The following KYAT3 variants were observed in gnomAD, a reference collection of about 807,000 sequenced individuals.
KYAT3 encodes the protein kynurenine--oxoglutarate transaminase 3.
Under a neutral mutation model 59.0 loss-of-function variants are expected in KYAT3, and 50 were observed. The ratio of observed to expected loss-of-function variants is 0.85; its 90% CI spans 0.68 to 1.07. The LOEUF (loss-of-function observed/expected upper bound fraction) is 1.07. Among genes scored for constraint, KYAT3 ranks in the 50% least tolerant of loss-of-function variants. The pLI is 0.00. For synonymous variants in KYAT3, 148 were observed against 177.0 expected (o/e 0.84, Z 1.30); for missense variants, 497 against 533.3 (o/e 0.93, Z 0.67).
At chr1:88,971,611 A>G (rs1421405514) in intron 2 of KYAT3, among the ~76,000 whole-genome samples, 1 of 152,172 alleles carries the variant, frequency 6.6e-6, no homozygotes, top group African/African-American at 2.4e-5. Flanking sequence ...TGTGATAGCT[A>G]AGATTTATCT....
At chr1:88,988,771 GTAAAT>G (rs1217789925) in intron 1 of KYAT3, among the ~76,000 whole-genome samples, 1 of 152,192 alleles carries the variant, frequency 6.6e-6, no homozygotes, top group Non-Finnish European at 1.5e-5. Context: ...GTTTGTAACA[GTAAAT>G]TAAAGTTGTT....
At chr1:88,981,242 T>G (rs1677071378) in intron 2 of KYAT3, 1 of 152,230 alleles carries the variant, frequency 6.6e-6, no homozygotes, top group African/African-American at 2.4e-5. Context: ...AAACTGTTTG[T>G]GGATAAGCCA....
Position 88,943,442 on chromosome 1 carries a change from T to C in KYAT3, c.1142-19A>G. On this transcript the variant is annotated intron_variant, in intron 11 of 13. Transcript: ENST00000260508. ...TCTGGATCTAAAACCACAATGAAAA[T>C]TAGGTGGCCTATGAATTTCATCTGA... is the stretch of plus-strand genomic sequence containing the variant. 1 of 1,341,398 alleles carries C rather than the reference T, an allele frequency of 7.5e-7. No homozygotes were observed. Among genetic ancestry groups the C allele is most frequent in the Non-Finnish European group, 1.0e-6 (1 of 957,538 alleles). 83.1% of individuals were successfully genotyped at this position (1,341,398 alleles called of 1,614,324 possible). A position where few individuals can be genotyped will look rare whatever the true frequency, so the allele number is the denominator to read the frequency against.
chr1:88,939,982 C>CT (rs1362522075), intron 13 of KYAT3, among the ~76,000 whole-genome samples: 3 of 152,096 alleles, frequency 2.0e-5, no homozygotes, highest in African/African-American at 4.8e-5. Context: ...CGAATATTCT[C>CT]TAACACTTGT....
chr1:88,965,185 G>A (rs1676300610), intron 4 of KYAT3, among the ~76,000 whole-genome samples: 1 of 152,102 alleles, frequency 6.6e-6, no homozygotes, highest in Non-Finnish European at 1.5e-5. Context: ...ATGAAGGCTT[G>A]CTAATGATTA....
At chr1:88,948,854 A>T (rs531239908) in intron 11 of KYAT3, among the ~76,000 whole-genome samples, 2 of 152,220 alleles carry the variant, frequency 1.3e-5, no homozygotes, top group Non-Finnish European at 2.9e-5. Context: ...AGCAAATCCT[A>T]TGTTTAATAG....
chr1:88,924,019 T>C, the KYAT3 span, among the ~76,000 whole-genome samples: 1 of 152,314 alleles, frequency 6.6e-6, no homozygotes, highest in South Asian at 2.1e-4. Context: ...GCAGGGAGTA[T>C]TGGAGGTATA....
chr1:88,961,580 T>A, intron 6 of KYAT3, 74 bp from the exon 7 acceptor site: 1 of 1,309,700 alleles, frequency 7.6e-7, no homozygotes, highest in African/African-American at 1.5e-5. Flanking sequence ...AATAACCTAA[T>A]AAGGAAAAAA....
At chr1:88,947,125 T>A (rs930893151) in intron 11 of KYAT3, among the ~76,000 whole-genome samples, 2 of 152,094 alleles carry the variant, frequency 1.3e-5, no homozygotes, top group African/African-American at 2.4e-5. Flanking sequence ...AGATACAACC[T>A]ACTTGACTCG....
At chr1:88,950,364 G>A (rs991020621) in intron 10 of KYAT3, among the ~76,000 whole-genome samples, 1 of 152,164 alleles carries the variant, frequency 6.6e-6, no homozygotes, top group Non-Finnish European at 1.5e-5. Flanking sequence ...GGAAAATAAG[G>A]ATCGATTGCC....
intron 8 of KYAT3, among the ~76,000 whole-genome samples, chr1:88,956,672 A>G (rs1331495743): frequency 1.3e-5 from 2 of 152,230 alleles, no homozygotes; most frequent in Non-Finnish European, 2.9e-5. Flanking sequence ...AAGCTGAGAC[A>G]TAGAAGACCA....
chr1:88,967,968 A>T (rs1349655305), intron 4 of KYAT3, among the ~76,000 whole-genome samples: 1 of 152,086 alleles, frequency 6.6e-6, no homozygotes, highest in Non-Finnish European at 1.5e-5. Context: ...AGGGAGTGAG[A>T]TCTATGAAGA....
chr1:88,944,434 TAAG>T (rs1675359827), intron 11 of KYAT3, among the ~76,000 whole-genome samples: 2 of 152,206 alleles, frequency 1.3e-5, no homozygotes, highest in East Asian at 1.9e-4. Context: ...CCCTGTGTTT[TAAG>T]GAGAACATAA....
the KYAT3 span, among the ~76,000 whole-genome samples, chr1:88,927,550 CCT>C: frequency 1.3e-5 from 2 of 152,076 alleles, no homozygotes; most frequent in African/African-American, 2.4e-5. Context: ...CCAGTGTCCC[CCT>C]GACTCCTTCC....
At chr1:88,936,470 T>A (rs1396948690) in intron 13 of KYAT3, among the ~76,000 whole-genome samples, 4 of 152,206 alleles carry the variant, frequency 2.6e-5, no homozygotes, top group Non-Finnish European at 5.9e-5. Context: ...GAGTTTACAC[T>A]GAAAAATAAT....
intron 2 of KYAT3, among the ~76,000 whole-genome samples, chr1:88,970,498 T>C (rs10801699): frequency 0.42 from 63,936 of 151,944 alleles, 14,283 homozygotes; most frequent in Non-Finnish European, 0.49. Context: ...CCAGAATCCA[T>C]ACTCAGAACT....
chr1:88,984,204 C>CTTTTTTTTTTTTTTTTTTTTTT (rs908183722), intron 2 of KYAT3: 2 of 81,470 alleles, frequency 2.5e-5, no homozygotes, highest in African/African-American at 4.4e-5. Flanking sequence ...TTTTTTGTTG[C>CTTTTTTTTTTTTTTTTTTTTTT]TTTTTTTTTT....
intron 2 of KYAT3, among the ~76,000 whole-genome samples, chr1:88,986,192 A>G (rs1043369337): frequency 3.3e-5 from 5 of 150,106 alleles, no homozygotes; most frequent in Admixed American, 6.6e-5. Context: ...AAAAAAAAAA[A>G]AGAGAGAGAG....
rs371813290 is a variant in KYAT3, at chr1:88,983,234, G to A, written c.99+5018C>T. The A allele has an allele frequency of 1.6e-4, 253 of 1,613,168 alleles. No homozygotes were observed. The highest frequency in any genetic ancestry group is 2.0e-4 in the Non-Finnish European group (240 of 1,179,952). On this transcript the variant is annotated intron_variant, in intron 2 of 13. Coordinates refer to ENST00000260508, the MANE Select transcript of KYAT3 (RefSeq NM_001008661.3). ...ATAAACATCTCTACGAGAGGGGAGCGGTTCCCTTCGAGGTGGACCTCCATA... is the reference window on the plus strand; with the variant it reads ...ATAAACATCTCTACGAGAGGGGAGCAGTTCCCTTCGAGGTGGACCTCCATA...
Sources: allele counts gnomAD v4.1 joint callset (sites outside exome capture counted in the v4.1 genomes callset), GRCh38; gene constraint gnomAD v4.1.1; transcripts MANE v1.5; gene names NCBI Gene and HGNC (gene_info 2026-07-23, HGNC 2026-07-21).